The following HSPA9 variants were observed in gnomAD, a reference collection of about 807,000 sequenced individuals.
HSPA9 encodes stress-70 protein, mitochondrial.
In HSPA9, 28 loss-of-function variants were observed where a neutral mutation model predicts 81.5. That is an observed-to-expected ratio of 0.34 (90% CI 0.25 to 0.47). HSPA9 has a LOEUF of 0.47. HSPA9 is among the 20% of genes least tolerant of loss of function. The pLI is 1.00. For synonymous variants in HSPA9, 293 were observed against 290.4 expected, an observed-to-expected ratio of 1.01 and a Z score of -0.09; for missense variants, 678 against 838.0, an observed-to-expected ratio of 0.81 and a Z score of 2.36.
At chr5:138,571,416 C>T (rs1361123563) in intron 3 of HSPA9, among the ~76,000 whole-genome samples, 1 of 151,966 alleles carries the variant, frequency 6.6e-6, no homozygotes, top group Non-Finnish European at 1.5e-5. Flanking sequence ...AACTCCTGAC[C>T]TCAGGTGATC....
rs757507106 is a variant in HSPA9, at chr5:138,560,058, C to T, written c.1216G>A (p.Ala406Thr). 2.5e-6 allele frequency: 4 copies of T among 1,613,996 alleles called. No individual in the cohort carries two copies. Among genetic ancestry groups the T allele is most frequent in the Non-Finnish European group, 3.4e-6 (4 of 1,180,010 alleles). The change falls in exon 11 of 17, where the codon GCC becomes ACC. Residue 406 changes from alanine (A) to threonine (T), a missense_variant. This residue lies in a region of HSPA9 where 484 missense variants were observed against 647.5 expected (regional missense o/e 0.75). Coordinates refer to ENST00000297185, the MANE Select transcript of HSPA9 (RefSeq NM_004134.7). ...TCAGGATTGACAGCTTTACTTGGGG[C>T]TCTGCCAAAAAGATCCTGTACAGTC... Reference protein sequence around the residue: ...QQTVQDLFGRAPSKAVNPDEA... With the variant: ...QQTVQDLFGRTPSKAVNPDEA...
At chr5:138,562,835 G>A (rs1028091920) in intron 9 of HSPA9, among the ~76,000 whole-genome samples, 6 of 152,186 alleles carry the variant, frequency 3.9e-5, no homozygotes, top group African/African-American at 1.2e-4. Context: ...GTTCCAGGAC[G>A]TTTACAAGTG....
In HSPA9 at chr5:138,558,545, TA is replaced by T. The variant is rs199858483; in HGVS notation, c.1515+7del. On this transcript the variant is annotated splice_region_variant and intron_variant, in intron 12 of 16. Transcript: ENST00000297185. ...GAGGCATAGTATTCAGGATTCACAA[TA>T]ACCTACCAAAGTAAACTGTCCAAGG... 2,250 of 1,535,588 alleles carry T rather than the reference TA, an allele frequency of 1.5e-3. 32 individuals are homozygous for T. The African/African-American group carries it at 0.025, about 17-fold the overall frequency.
chr5:138,561,802 T>G lies in HSPA9; in HGVS notation c.973-13A>C. On this transcript the variant is annotated splice_polypyrimidine_tract_variant and intron_variant, in intron 9 of 16. Coordinates refer to ENST00000297185, the MANE Select transcript of HSPA9 (RefSeq NM_004134.7). ...AATTGATGTCAGTCTGCAAAGGAAA[T>G]GTTTAATTGCATGTCAGCGAGCAGG... 6.3e-7 allele frequency: 1 copy of G among 1,591,076 alleles called. No individual in the cohort carries two copies. The highest frequency in any genetic ancestry group is 8.6e-7 in the Non-Finnish European group (1 of 1,159,038).
In HSPA9 at chr5:138,566,662, A is replaced by G. The variant is rs1371611017; in HGVS notation, c.936T>C (p.Ala312=). Residue 312 remains alanine, a synonymous_variant, in exon 9 of 17, where the codon GCT becomes GCC. Transcript: ENST00000297185. The stretch of plus-strand genomic sequence containing the variant: ...AGGAGAGTTCACATTTAGCCTTTTC[A>G]GCAGCTTCCCGTACCCTCTGAAGTG... ...NMALQRVREA[A]EKAKCELSSS... 1 of 1,614,064 alleles carries G rather than the reference A, an allele frequency of 6.2e-7. No homozygotes were observed. Among genetic ancestry groups the G allele is most frequent in the East Asian group, 2.2e-5 (1 of 44,880 alleles).
chr5:138,573,487 T>C (rs899559506), intron 3 of HSPA9, among the ~76,000 whole-genome samples: 4 of 151,746 alleles, frequency 2.6e-5, no homozygotes, highest in African/African-American at 7.3e-5. Flanking sequence ...CTGTCTCTAC[T>C]GAAAATACAA....
At chr5:138,559,371 G>A (rs577662716) in intron 11 of HSPA9, among the ~76,000 whole-genome samples, 17 of 152,224 alleles carry the variant, frequency 1.1e-4, no homozygotes, top group African/African-American at 4.1e-4. Context: ...CCAAAGTGCT[G>A]GGATTACAGG....
chr5:138,562,428 G>GT (rs1750681696), intron 9 of HSPA9, among the ~76,000 whole-genome samples: 1 of 151,854 alleles, frequency 6.6e-6, no homozygotes, highest in African/African-American at 2.4e-5. Flanking sequence ...GCACATGCCT[G>GT]TAATCCCAGC....
chr5:138,556,218 C>A, intron 16 of HSPA9, 104 bp from the exon 17 acceptor site: 1 of 1,069,748 alleles, frequency 9.3e-7, no homozygotes, highest in Non-Finnish European at 1.4e-6. Flanking sequence ...CCTCATCATT[C>A]ATTTCTATTC....
At position 138,555,277 on chromosome 5, in the gene HSPA9, G is replaced by A. The variant is rs1750494656; in HGVS notation, c.*760C>T. On this transcript the variant is annotated 3_prime_UTR_variant, in exon 17 of 17. Transcript: ENST00000297185. ...CCTCTTTGGGAAATATGGGAAGCATGAGCCATGGCATATTCTTGAAGCTAA... is the reference window on the plus strand; with the variant it reads ...CCTCTTTGGGAAATATGGGAAGCATAAGCCATGGCATATTCTTGAAGCTAA... 1 of 151,972 alleles carries A rather than the reference G, an allele frequency of 6.6e-6. No individual in the cohort carries two copies. Among genetic ancestry groups the A allele is most frequent in the Non-Finnish European group, 1.5e-5 (1 of 68,006 alleles). 9.4% of individuals were successfully genotyped at this position (151,972 alleles called of 1,614,324 possible). A position where few individuals can be genotyped will look rare whatever the true frequency, so the allele number is the denominator to read the frequency against.
At position 138,556,533 on chromosome 5, in the gene HSPA9, G is replaced by A. The variant is rs1042686; in HGVS notation, c.1881C>T (p.Ser627=). Residue 627 remains serine (S), a synonymous_variant, in exon 16 of 17, where the codon AGC becomes AGT. Coordinates refer to ENST00000297185, the MANE Select transcript of HSPA9 (RefSeq NM_004134.7). Reference sequence around the variant, plus strand: ...CCTGTCTAATATTTTCTCCTGTTTCGCTGTCTTTTCTAGCCAGGAGCTCCC... The same window carrying A: ...CCTGTCTAATATTTTCTCCTGTTTCACTGTCTTTTCTAGCCAGGAGCTCCC... ...KMRELLARKD[S]ETGENIRQAA... is the part of the protein sequence containing the mutation. 9.1e-4 allele frequency: 1,464 copies of A among 1,613,842 alleles called. 6 individuals are homozygous for A. The highest frequency in any genetic ancestry group is 8.6e-3 in the East Asian group (388 of 44,868).
chr5:138,574,828 TTTC>T (rs1310267084), intron 1 of HSPA9: 1 of 195,160 alleles, frequency 5.1e-6, no homozygotes, highest in Non-Finnish European at 1.0e-5. Context: ...GACTCAGAGC[TTTC>T]TTATTTTATT....
At position 138,566,188 on chromosome 5, in the gene HSPA9, CAAAAAAAA is replaced by C. The variant is rs1186233815; in HGVS notation, c.972+430_972+437del. ...GGGCAACAGGAGCAAAACTCTGTCT[CAAAAAAAA>C]AAAAAAAAAAAAAAAAAAGACACTC... On this transcript the variant is annotated intron_variant, in intron 9 of 16. Coordinates refer to ENST00000297185, the MANE Select transcript of HSPA9 (RefSeq NM_004134.7). Among the ~76,000 whole-genome samples the C allele has an allele frequency of 7.6e-3, 454 of 59,714 alleles. 3 individuals are homozygous for C. Among genetic ancestry groups the C allele is most frequent in the African/African-American group, 0.024 (386 of 15,996 alleles). The allele number at this position is 59,714 out of a possible 152,430, so 39.2% of individuals were successfully genotyped here. A position where few individuals can be genotyped will look rare whatever the true frequency, so the allele number is the denominator to read the frequency against.
At position 138,568,455 on chromosome 5, in the gene HSPA9, C is replaced by G. The variant is rs559387492; in HGVS notation, c.535+470G>C. ...CCGGGAGGCGGAGGCTTTGGTGAGC[C>G]GAGATTGTGCCACTGCACTCCAGCC... On this transcript the variant is annotated intron_variant, in intron 5 of 16. Coordinates refer to ENST00000297185, the MANE Select transcript of HSPA9 (RefSeq NM_004134.7). 1.2e-3 allele frequency among the ~76,000 whole-genome samples: 181 copies of G among 152,172 alleles called. 1 individual carries two copies. The highest frequency in any genetic ancestry group is 3.9e-3 in the African/African-American group (162 of 41,496).
rs2127151415 is a variant in HSPA9 at position 138,554,622 on chromosome 5, T to G, written c.*1415A>C. On this transcript the variant is annotated 3_prime_UTR_variant, in exon 17 of 17. Transcript: ENST00000297185. ...TTTTTGGAAATACAGTAATCTCATTTCTACATATTACAAAACATTATAAAA... is the reference window on the plus strand; with the variant it reads ...TTTTTGGAAATACAGTAATCTCATTGCTACATATTACAAAACATTATAAAA... 6.6e-6 allele frequency among the ~76,000 whole-genome samples: 1 copy of G among 152,376 alleles called. No homozygotes were observed.
chr5:138,567,073 C>T lies in HSPA9; in HGVS notation c.807G>A (p.Gly269=). 1 of 1,613,782 alleles carries T rather than the reference C, an allele frequency of 6.2e-7. No individual in the cohort carries two copies. The highest frequency in any genetic ancestry group is 8.5e-7 in the Non-Finnish European group (1 of 1,179,836). Residue 269 remains glycine, a synonymous_variant, in exon 8 of 17, where the codon GGG becomes GGA. Coordinates refer to ENST00000297185, the MANE Select transcript of HSPA9 (RefSeq NM_004134.7). The part of the protein sequence containing the change: ...KGVFEVKSTN[G]DTFLGGEDFD... ...AGTCTTCCCCACCTAAGAAGGTATCCCCATTTGTGGATTTCACCTCAAATA... is the reference window on the plus strand; with the variant it reads ...AGTCTTCCCCACCTAAGAAGGTATCTCCATTTGTGGATTTCACCTCAAATA...
chr5:138,569,061 A>C lies in HSPA9; in HGVS notation c.411-12T>G. 6.2e-7 allele frequency: 1 copy of C among 1,612,868 alleles called. No individual in the cohort carries two copies. Among genetic ancestry groups the C allele is most frequent in the Non-Finnish European group, 8.5e-7 (1 of 1,179,068 alleles). On this transcript the variant is annotated splice_polypyrimidine_tract_variant and intron_variant, in intron 4 of 16. Coordinates refer to ENST00000297185, the MANE Select transcript of HSPA9 (RefSeq NM_004134.7). Reference sequence around the variant, plus strand: ...AGGGAACATTTTTACTGTAAGACACAAAAATTCTATTAGAGAAAACTACCT... The same window carrying C: ...AGGGAACATTTTTACTGTAAGACACCAAAATTCTATTAGAGAAAACTACCT...
intron 11 of HSPA9, 145 bp downstream of exon 11, chr5:138,559,719 C>A: frequency 1.5e-6 from 1 of 680,988 alleles, no homozygotes; most frequent in South Asian, 1.7e-5. Context: ...AGGATTCTCA[C>A]CACCCACAGT....
At chr5:138,563,789 C>A (rs1396681347) in intron 9 of HSPA9, among the ~76,000 whole-genome samples, 1 of 152,156 alleles carries the variant, frequency 6.6e-6, no homozygotes, top group African/African-American at 2.4e-5. Flanking sequence ...AAAACAAAAA[C>A]AAAAAACAAA....
Sources: gnomAD v4.1 joint callset for allele counts (sites outside exome capture counted in the v4.1 genomes callset) on GRCh38, gnomAD v4.1.1 for gene constraint, gnomAD v4.1.1 regional missense constraint, MANE v1.5 for transcripts, NCBI Gene and HGNC (gene_info 2026-07-23, HGNC 2026-07-21) for gene names.